The following CDH12 variants were observed in gnomAD, a reference collection of about 807,000 sequenced individuals.
CDH12 encodes the protein cadherin 12.
In CDH12, 41 loss-of-function variants were observed where a neutral mutation model predicts 74.1. That is an observed-to-expected ratio of 0.55 (90% CI 0.43 to 0.72). The LOEUF (loss-of-function observed/expected upper bound fraction) is 0.72, where lower values mean the gene tolerates loss of function less well. Ranked by LOEUF, CDH12 falls within the 30% of genes least tolerant of loss-of-function variation. The pLI, the probability that CDH12 is intolerant of heterozygous loss-of-function variation, is 0.00. For missense variants in CDH12, 945 were observed against 977.2 expected (o/e 0.97, Z 0.44); for synonymous variants, 399 against 355.0 (o/e 1.12, Z -1.39).
At chr5:21,972,297 A>G (rs1181361037) in intron 6 of CDH12, among the ~76,000 whole-genome samples, 1 of 152,136 alleles carries the variant, frequency 6.6e-6, no homozygotes, top group Non-Finnish European at 1.5e-5. Context: ...AATTATTGGG[A>G]CAGAAAAGTT....
chr5:22,099,489 G>C (rs1327319472), intron 4 of CDH12, among the ~76,000 whole-genome samples: 3 of 152,140 alleles, frequency 2.0e-5, no homozygotes, highest in African/African-American at 7.2e-5. Flanking sequence ...GCCCATTTAA[G>C]CTCCTGTATG....
chr5:22,659,715 A>G (rs1288910738), intron 1 of CDH12, among the ~76,000 whole-genome samples: 1 of 152,106 alleles, frequency 6.6e-6, no homozygotes, highest in East Asian at 1.9e-4. Flanking sequence ...ATACATATAT[A>G]GGTACACACA....
intron 6 of CDH12, among the ~76,000 whole-genome samples, chr5:21,954,527 G>A (rs1258261087): frequency 6.6e-6 from 1 of 152,094 alleles, no homozygotes; most frequent in African/African-American, 2.4e-5. Flanking sequence ...CCAAGTTAGT[G>A]CTGCTTGCTT....
intron 7 of CDH12, among the ~76,000 whole-genome samples, chr5:21,845,683 C>T (rs1438389755): frequency 6.6e-6 from 1 of 151,706 alleles, no homozygotes; most frequent in East Asian, 1.9e-4. Flanking sequence ...GATTTGTTGC[C>T]TGTTTACCTT....
At chr5:22,816,202 A>C (rs1489300804) in intron 1 of CDH12, among the ~76,000 whole-genome samples, 3 of 152,126 alleles carry the variant, frequency 2.0e-5, no homozygotes, top group Non-Finnish European at 4.4e-5. Context: ...AAATTATAAA[A>C]CTTGAACGAG....
At chr5:22,607,238 T>A (rs540638602) in intron 1 of CDH12, among the ~76,000 whole-genome samples, 1 of 152,210 alleles carries the variant, frequency 6.6e-6, no homozygotes, top group Admixed American at 6.5e-5. Flanking sequence ...AGGAGCTGAA[T>A]GTTAATCACC....
intron 1 of CDH12, among the ~76,000 whole-genome samples, chr5:22,836,943 A>G (rs770872399): frequency 6.6e-6 from 1 of 152,206 alleles, no homozygotes; most frequent in Non-Finnish European, 1.5e-5. Flanking sequence ...ATATAAATTG[A>G]AGCTAAAGAA....
At chr5:22,693,278 A>G (rs577117321) in intron 1 of CDH12, among the ~76,000 whole-genome samples, 2 of 152,316 alleles carry the variant, frequency 1.3e-5, no homozygotes, top group South Asian at 4.1e-4. Context: ...ATGGCACCGT[A>G]TTGCAAGCCA....
At chr5:22,678,051 G>GT (rs1741302233) in intron 1 of CDH12, among the ~76,000 whole-genome samples, 1 of 151,354 alleles carries the variant, frequency 6.6e-6, no homozygotes. Flanking sequence ...TCATGGGGGG[G>GT]GGGGTTAGGA....
intron 2 of CDH12, among the ~76,000 whole-genome samples, chr5:22,418,747 G>A (rs1743506744): frequency 2.0e-5 from 3 of 152,076 alleles, no homozygotes; most frequent in Admixed American, 2.0e-4. Flanking sequence ...AGCCCGGCAT[G>A]GTGGCAGGCT....
intron 3 of CDH12, among the ~76,000 whole-genome samples, chr5:22,294,926 T>C (rs930320494): frequency 6.6e-6 from 1 of 152,196 alleles, no homozygotes; most frequent in African/African-American, 2.4e-5. Flanking sequence ...AGAATCCCTA[T>C]GAAATGTAAT....
At chr5:22,174,650 C>G (rs1749226955) in intron 4 of CDH12, among the ~76,000 whole-genome samples, 1 of 151,790 alleles carries the variant, frequency 6.6e-6, no homozygotes, top group African/African-American at 2.4e-5. Context: ...ATTAAGTGAA[C>G]CACGGGAATC....
intron 1 of CDH12, among the ~76,000 whole-genome samples, chr5:22,780,729 C>T (rs893175831): frequency 1.3e-5 from 2 of 152,066 alleles, no homozygotes; most frequent in Non-Finnish European, 2.9e-5. Context: ...CAGCTATAAT[C>T]ACACCACTAC....
intron 3 of CDH12, among the ~76,000 whole-genome samples, chr5:22,281,507 G>T (rs1181351841): frequency 6.6e-6 from 1 of 152,154 alleles, no homozygotes; most frequent in Non-Finnish European, 1.5e-5. Context: ...TCCTTAAGCT[G>T]ATAAGCAACT....
intron 6 of CDH12, among the ~76,000 whole-genome samples, chr5:21,905,826 T>C (rs914149734): frequency 2.6e-5 from 4 of 152,214 alleles, no homozygotes; most frequent in Non-Finnish European, 5.9e-5. Flanking sequence ...CTGAAAATAC[T>C]GGATGTGATT....
intron 3 of CDH12, among the ~76,000 whole-genome samples, chr5:22,216,490 C>G (rs1212576784): frequency 6.6e-6 from 1 of 151,846 alleles, no homozygotes; most frequent in African/African-American, 2.4e-5. Context: ...CAGAACAGAC[C>G]TTGAAAAATT....
intron 4 of CDH12, among the ~76,000 whole-genome samples, chr5:22,086,405 C>T (rs763960343): frequency 6.6e-6 from 1 of 151,994 alleles, no homozygotes; most frequent in Non-Finnish European, 1.5e-5. Flanking sequence ...AGTGCAGTGG[C>T]GTGATCTCGT....
At chr5:22,679,031 G>A (rs765981941) in intron 1 of CDH12, among the ~76,000 whole-genome samples, 31 of 152,186 alleles carry the variant, frequency 2.0e-4, no homozygotes, top group South Asian at 4.1e-4. Flanking sequence ...TCCATGGGAC[G>A]TTCAGACAAG....
chr5:22,420,951 A>G (rs1443465942), intron 2 of CDH12, among the ~76,000 whole-genome samples: 3 of 152,086 alleles, frequency 2.0e-5, no homozygotes, highest in African/African-American at 7.2e-5. Context: ...TTTTGTAGCA[A>G]TTGTGAATGA....
Sources: gnomAD v4.1 joint callset for allele counts (sites outside exome capture counted in the v4.1 genomes callset) on GRCh38, gnomAD v4.1.1 for gene constraint, MANE v1.5 for transcripts, NCBI Gene and HGNC (gene_info 2026-07-23, HGNC 2026-07-21) for gene names.